The following RUVBL2 variants were observed in gnomAD, a reference collection of about 807,000 sequenced individuals.
RUVBL2 encodes the protein RuvB like AAA ATPase 2, also known as ruvB-like 2.
A neutral mutation model predicts 57.9 loss-of-function variants in RUVBL2; 9 were observed. The ratio of observed to expected loss-of-function variants is 0.16; its 90% CI spans 0.09 to 0.27. The LOEUF (loss-of-function observed/expected upper bound fraction) is 0.27, where lower values mean the gene tolerates loss of function less well. Ranked by LOEUF, RUVBL2 falls within the 10% of genes least tolerant of loss-of-function variation. The pLI is 1.00. For synonymous variants in RUVBL2, 278 were observed against 264.6 expected (o/e 1.05, Z -0.49); for missense variants, 456 against 669.6 (o/e 0.68, Z 3.52).
chr19:48,994,135 T>G, intron 1 of RUVBL2: 113 of 460,044 alleles, frequency 2.5e-4, no homozygotes, highest in East Asian at 5.8e-4. Flanking sequence ...GGGAGGGGGC[T>G]GGGATCCCAG....
chr19:48,995,588 G>A (rs1037171403), intron 1 of RUVBL2, among the ~76,000 whole-genome samples: 1 of 151,626 alleles, frequency 6.6e-6, no homozygotes, highest in Non-Finnish European at 1.5e-5. Context: ...AGTGGCTCAC[G>A]CCTGTAATCC....
intron 3 of RUVBL2, 109 bp from the exon 4 acceptor site, chr19:49,004,168 A>C: frequency 7.6e-7 from 1 of 1,309,940 alleles, no homozygotes; most frequent in African/African-American, 1.5e-5. Flanking sequence ...GGCTTTTCCT[A>C]GAAGTCCCAG....
At chr19:48,996,414 C>T (rs536356540) in intron 1 of RUVBL2, among the ~76,000 whole-genome samples, 12 of 151,326 alleles carry the variant, frequency 7.9e-5, no homozygotes, top group Non-Finnish European at 1.8e-4. Flanking sequence ...CTCTGCCTCT[C>T]TCCCATGTTC....
At chr19:48,999,447 A>AC in intron 2 of RUVBL2, 74 bp downstream of exon 2, 1 of 1,501,316 alleles carries the variant, frequency 6.7e-7, no homozygotes, top group Admixed American at 1.7e-5. Flanking sequence ...CCTATTGAGG[A>AC]CCCCTAAGAT....
chr19:49,010,427 G>T (rs1457927599), intron 8 of RUVBL2, 61 bp from the exon 9 acceptor site: 1 of 1,580,788 alleles, frequency 6.3e-7, no homozygotes, highest in Non-Finnish European at 8.7e-7. Context: ...GGCTTTAGGG[G>T]CCCCCTTCAT....
intron 8 of RUVBL2, 21 bp from the exon 9 acceptor site, chr19:49,010,467 T>TCA: frequency 7.1e-7 from 1 of 1,401,208 alleles, no homozygotes; most frequent in Admixed American, 2.0e-5. Flanking sequence ...CCGCCGTTCT[T>TCA]CCCCCACCCC....
chr19:49,011,333 T>A lies in RUVBL2; in HGVS notation c.1001+23T>A. ...GCGGTGAGCCGGCTACAGGGGCCTCTGGGGAAAACAGGATGCTCTGGGCAG... is the reference window on the plus strand; with the variant it reads ...GCGGTGAGCCGGCTACAGGGGCCTCAGGGGAAAACAGGATGCTCTGGGCAG... On this transcript the variant is annotated intron_variant, in intron 11 of 14. Coordinates refer to ENST00000595090, the MANE Select transcript of RUVBL2 (RefSeq NM_006666.3). This position sits in a 1 kb window ranked among gnomAD's most constrained non-coding sequence, Gnocchi z 4.4. 6.3e-7 allele frequency: 1 copy of A among 1,589,176 alleles called. No individual in the cohort carries two copies. Among genetic ancestry groups the A allele is most frequent in the Non-Finnish European group, 8.6e-7 (1 of 1,158,334 alleles).
Position 49,009,896 on chromosome 19 carries a change from G to A in RUVBL2, c.569+14G>A, listed in dbSNP as rs1487772353. On this transcript the variant is annotated intron_variant, in intron 7 of 14. Coordinates refer to ENST00000595090, the MANE Select transcript of RUVBL2 (RefSeq NM_006666.3). ...GGTCCAGGCCGGGTGAGCAGTCAGG[G>A]GCCATGCCAGGCAGCCAGGGGGATG... The A allele has an allele frequency of 6.2e-7, 1 of 1,613,596 alleles. No homozygotes were observed. Among genetic ancestry groups the A allele is most frequent in the Non-Finnish European group, 8.5e-7 (1 of 1,179,616 alleles).
intron 2 of RUVBL2, among the ~76,000 whole-genome samples, chr19:49,002,617 C>T (rs1179513717): frequency 1.3e-5 from 2 of 151,900 alleles, no homozygotes; most frequent in African/African-American, 2.4e-5. Context: ...ACAGGTCTTG[C>T]TCTGTCATCC....
chr19:49,009,999 C>G lies in RUVBL2; in HGVS notation c.596C>G (p.Thr199Arg). The change falls in exon 8 of 15, where the codon ACG (threonine) becomes AGG (arginine). Residue 199 changes from threonine (T) to arginine (R), a missense_variant. Around this residue, in one of 5 missense-constraint regions of RUVBL2, gnomAD observed 233 missense variants for 306.0 expected, o/e 0.76. Transcript: ENST00000595090. The part of the protein sequence containing the change: ...AGDVITIDKA[T>R]GKISKLGRSF... The stretch of plus-strand genomic sequence containing the variant: ...GACGTGATCACCATCGACAAGGCGA[C>G]GGGCAAGATCTCCAAGCTGGGCCGC... 6.3e-7 allele frequency: 1 copy of G among 1,590,490 alleles called. No homozygotes were observed. The highest frequency in any genetic ancestry group is 8.6e-7 in the Non-Finnish European group (1 of 1,166,006).
In RUVBL2 at chr19:48,999,352, G is replaced by A; in HGVS notation, c.46G>A (p.Val16Ile). The A allele has an allele frequency of 2.5e-6, 4 of 1,614,242 alleles. No individual in the cohort carries two copies. The highest frequency in any genetic ancestry group is 2.5e-6 in the Non-Finnish European group (3 of 1,180,040). The part of the protein sequence containing the change: ...ATTKVPEIRD[V>I]TRIERIGAHS... ...AACCAAAGTCCCGGAGATCCGTGAT[G>A]TAACAAGGATTGAGCGAATCGGTGA... The change falls in exon 2 of 15, where the codon GTA becomes ATA. Residue 16 changes from valine (V) to isoleucine (I), a missense_variant. By Grantham distance (29) the Val-to-Ile change is conservative. Coordinates refer to ENST00000595090, the MANE Select transcript of RUVBL2 (RefSeq NM_006666.3).
Position 49,004,426 on chromosome 19 carries a change from A to G in RUVBL2, c.265+8A>G, listed in dbSNP as rs2039245699. ...AGACGGCCATCGCCATGGGTAAGAA[A>G]CCTCCCAGGGCAGGAACTCTCCTGT... On this transcript the variant is annotated splice_region_variant and intron_variant, in intron 4 of 14. Coordinates refer to ENST00000595090, the MANE Select transcript of RUVBL2 (RefSeq NM_006666.3). 1 of 1,609,222 alleles carries G rather than the reference A, an allele frequency of 6.2e-7. No individual in the cohort carries two copies. The highest frequency in any genetic ancestry group is 1.3e-5 in the African/African-American group (1 of 74,726).
At position 49,010,622 on chromosome 19, in the gene RUVBL2, TCCTGCCCTGC is replaced by T. The variant is rs367698302; in HGVS notation, c.787+29_787+38del. 56 of 1,613,038 alleles carry T rather than the reference TCCTGCCCTGC, an allele frequency of 3.5e-5. No homozygotes were observed. Among genetic ancestry groups the T allele is most frequent in the East Asian group, 4.5e-5 (2 of 44,864 alleles). On this transcript the variant is annotated intron_variant, in intron 9 of 14. Transcript: ENST00000595090. ...TGGCGCTCTTCTCAGGTGAGGCCCC[TCCTGCCCTGC>T]CCTGCCCTGCCCTGCCCCAGGCCTA... is the stretch of plus-strand genomic sequence containing the variant.
intron 11 of RUVBL2, among the ~76,000 whole-genome samples, chr19:49,012,439 A>G (rs1275248203): frequency 6.6e-6 from 1 of 152,170 alleles, no homozygotes; most frequent in East Asian, 1.9e-4. Context: ...TGGACACTGG[A>G]AGAGACCCCC....
chr19:49,000,793 A>G (rs1011835063), intron 2 of RUVBL2, among the ~76,000 whole-genome samples: 3 of 152,104 alleles, frequency 2.0e-5, no homozygotes, highest in Non-Finnish European at 2.9e-5. Flanking sequence ...CAGAGGTTGC[A>G]GTGAGCCAAT....
chr19:49,011,326 G>A lies in RUVBL2; in HGVS notation c.1001+16G>A, dbSNP rs754254345. On this transcript the variant is annotated intron_variant, in intron 11 of 14. Transcript: ENST00000595090. This position sits in a 1 kb window ranked among gnomAD's most constrained non-coding sequence, Gnocchi z 4.4. ...GCATCACGCGGTGAGCCGGCTACAG[G>A]GGCCTCTGGGGAAAACAGGATGCTC... 6 of 1,599,688 alleles carry A rather than the reference G, an allele frequency of 3.8e-6. No homozygotes were observed. Among genetic ancestry groups the A allele is most frequent in the Non-Finnish European group, 5.1e-6 (6 of 1,167,666 alleles).
At chr19:48,993,886 T>G (rs775231777), upstream of RUVBL2, 16 of 1,613,926 alleles carry the variant, frequency 9.9e-6, no homozygotes, top group African/African-American at 1.3e-5. Context: ...CCGTTTCCGC[T>G]AGGACTCTGG....
At chr19:48,994,075 A>T in intron 1 of RUVBL2, 152 bp downstream of exon 1, 14 of 337,536 alleles carry the variant, frequency 4.1e-5, no homozygotes, top group Non-Finnish European at 5.4e-5. Flanking sequence ...TCGGCCACCC[A>T]GATCTGGGGG....
At chr19:49,014,239 C>G (rs1223159614) in intron 11 of RUVBL2, among the ~76,000 whole-genome samples, 1 of 152,242 alleles carries the variant, frequency 6.6e-6, no homozygotes, top group Non-Finnish European at 1.5e-5. Flanking sequence ...ATCCAGTAAT[C>G]CTGGAGGCAG....
Sources: gnomAD v4.1 joint callset for allele counts (sites outside exome capture counted in the v4.1 genomes callset) on GRCh38, gnomAD v4.1.1 for gene constraint, gnomAD v4.1.1 regional missense constraint, Gnocchi (gnomAD v3.1) non-coding constraint, MANE v1.5 for transcripts, NCBI Gene and HGNC (gene_info 2026-07-23, HGNC 2026-07-21) for gene names.